KCNS2: variants seen among roughly 807,000 people sequenced by gnomAD.
The protein encoded by KCNS2 is delayed-rectifier potassium channel regulatory subunit KCNS2.
Under a neutral mutation model 28.3 loss-of-function variants are expected in KCNS2, and 15 were observed. The ratio of observed to expected loss-of-function variants is 0.53; its 90% confidence interval spans 0.35 to 0.82. KCNS2 has a LOEUF of 0.82. KCNS2 is among the 40% of genes least tolerant of loss of function. KCNS2 has a pLI of 0.01. For missense variants in KCNS2, 501 were observed against 617.1 expected, an observed-to-expected ratio of 0.81 and a Z score of 1.99; for synonymous variants, 254 against 256.7, an observed-to-expected ratio of 0.99 and a Z score of 0.10.
chr8:98,432,246 C>A lies in KCNS2; in HGVS notation c.*2833C>A, dbSNP rs1368662055. 1 of 166,986 alleles carries A rather than the reference C, an allele frequency of 6.0e-6. No individual in the cohort carries two copies. The highest frequency in any genetic ancestry group is 2.4e-5 in the African/African-American group (1 of 41,454). 10.3% of individuals were successfully genotyped at this position (166,986 alleles called of 1,614,324 possible). A position where few individuals can be genotyped will look rare whatever the true frequency, so the allele number is the denominator to read the frequency against. ...CCAGGCTGTCAGACTGACCTGTAAA[C>A]CTCCTTTAGGGGGACAGAGTAGAAA... On this transcript the variant is annotated 3_prime_UTR_variant, in exon 2 of 2. Transcript: ENST00000287042.
Position 98,429,608 on chromosome 8 carries a change from C to A in KCNS2, c.*195C>A. Reference sequence around the variant, plus strand: ...GAGGGTGGTGTGTCTGACACCATGCCTTTGCACCTTTCCATGAAATGACAC... The same window carrying A: ...GAGGGTGGTGTGTCTGACACCATGCATTTGCACCTTTCCATGAAATGACAC... On this transcript the variant is annotated 3_prime_UTR_variant, in exon 2 of 2. Coordinates refer to ENST00000287042, the MANE Select transcript of KCNS2 (RefSeq NM_020697.4). The A allele has an allele frequency of 1.8e-6, 1 of 548,414 alleles. No homozygotes were observed. The highest frequency in any genetic ancestry group is 3.3e-6 in the Non-Finnish European group (1 of 304,418). 34.0% of individuals were successfully genotyped at this position (548,414 alleles called of 1,614,324 possible). A position where few individuals can be genotyped will look rare whatever the true frequency, so the allele number is the denominator to read the frequency against.
chr8:98,429,259 TGCGCA>T lies in KCNS2; in HGVS notation c.1283_1287del (p.Arg428LeufsTer2). The T allele has an allele frequency of 6.2e-7, 1 of 1,614,092 alleles. No homozygotes were observed. ...CGCCAAAAGCAACTTGAGAGTGCCA[TGCGCA>T]GCTGTGACTTTGGAGATGGAATGAA... On this transcript the variant is annotated frameshift_variant, in exon 2 of 2. Transcript: ENST00000287042. LOFTEE classifies it high-confidence loss of function.
In KCNS2 at chr8:98,427,950, C is replaced by G. The variant is rs1416467702; in HGVS notation, c.-30C>G. On this transcript the variant is annotated 5_prime_UTR_variant, in exon 2 of 2. Coordinates refer to ENST00000287042, the MANE Select transcript of KCNS2 (RefSeq NM_020697.4). ...CCTCCGCTTCCAGGTGTAGCGCCCCCGCGCGGCGCGGGCGGCCGGCGCCTC... is the reference window on the plus strand; with the variant it reads ...CCTCCGCTTCCAGGTGTAGCGCCCCGGCGCGGCGCGGGCGGCCGGCGCCTC... The G allele has an allele frequency of 1.6e-5, 24 of 1,470,424 alleles. 1 individual carries two copies. In the South Asian group the frequency reaches 3.0e-4, roughly 18 times the overall value. The allele number at this position is 1,470,424 out of a possible 1,614,324, so 91.1% of individuals were successfully genotyped here.
chr8:98,429,577 T>C lies in KCNS2; in HGVS notation c.*164T>C, dbSNP rs1818299298. 1 of 593,298 alleles carries C rather than the reference T, an allele frequency of 1.7e-6. No homozygotes were observed. Among genetic ancestry groups the C allele is most frequent in the Non-Finnish European group, 3.0e-6 (1 of 330,096 alleles). 36.8% of individuals were successfully genotyped at this position (593,298 alleles called of 1,614,324 possible). A position where few individuals can be genotyped will look rare whatever the true frequency, so the allele number is the denominator to read the frequency against. On this transcript the variant is annotated 3_prime_UTR_variant, in exon 2 of 2. Transcript: ENST00000287042. ...GTTTCTTTTACAGTTTTTAGAATCG[T>C]TTTTAGAGGGTGGTGTGTCTGACAC...
rs952105060 is a variant in KCNS2 at position 98,431,990 on chromosome 8, A to G, written c.*2577A>G. The G allele has an allele frequency of 3.0e-5, 5 of 167,068 alleles. No homozygotes were observed. The highest frequency in any genetic ancestry group is 1.2e-4 in the African/African-American group (5 of 41,442). 10.3% of individuals were successfully genotyped at this position (167,068 alleles called of 1,614,324 possible). On this transcript the variant is annotated 3_prime_UTR_variant, in exon 2 of 2. Transcript: ENST00000287042. ...AGAAAGAACAACCCGGCTGGCTTAA[A>G]CCCTGGAGCTAATTCCCACAAGGAA...
Position 98,429,231 on chromosome 8 carries a change from C to G in KCNS2, c.1252C>G (p.Arg418Gly), listed in dbSNP as rs149723156. The change falls in exon 2 of 2, where the codon CGG (arginine) becomes GGG (glycine). Residue 418 changes from arginine to glycine, a missense_variant. By Grantham distance (125) the Arg-to-Gly change is moderately radical. Transcript: ENST00000287042. ...LIFNKFSHFY[R>G]RQKQLESAMR... ...CTTCAATAAGTTCTCCCACTTTTAC[C>G]GGCGCCAAAAGCAACTTGAGAGTGC... The G allele has an allele frequency of 5.0e-6, 8 of 1,614,022 alleles. No homozygotes were observed. Among genetic ancestry groups the G allele is most frequent in the Non-Finnish European group, 6.8e-6 (8 of 1,180,032 alleles).
Position 98,432,569 on chromosome 8 carries a change from C to T in KCNS2, c.*3156C>T, listed in dbSNP as rs1428895686. 1.8e-5 allele frequency: 3 copies of T among 167,078 alleles called. No homozygotes were observed. Among genetic ancestry groups the T allele is most frequent in the African/African-American group, 7.2e-5 (3 of 41,444 alleles). 10.3% of individuals were successfully genotyped at this position (167,078 alleles called of 1,614,324 possible). A position where few individuals can be genotyped will look rare whatever the true frequency, so the allele number is the denominator to read the frequency against. On this transcript the variant is annotated 3_prime_UTR_variant, in exon 2 of 2. Transcript: ENST00000287042. ...GGTAGTAATTGGTATTTAACATTTG[C>T]ATTTGTTATTTCTACTTATCTTAGC...
In KCNS2 at chr8:98,429,408, C is replaced by A; in HGVS notation, c.1429C>A (p.Arg477Ser). 1.2e-6 allele frequency: 2 copies of A among 1,604,688 alleles called. No homozygotes were observed. The highest frequency in any genetic ancestry group is 1.1e-5 in the South Asian group (1 of 90,284). Residue 477 changes from arginine to serine, a missense_variant, in exon 2 of 2, where the codon CGT becomes AGT. Coordinates refer to ENST00000287042, the MANE Select transcript of KCNS2 (RefSeq NM_020697.4). ...PSELSLNDSL[R>S] is the part of the protein sequence containing the mutation. The stretch of plus-strand genomic sequence containing the variant: ...TGAACTCAGTTTAAATGATTCCCTA[C>A]GTTAGCCGGGAGGACTTGTCACCCT...
chr8:98,427,997 G>T lies in KCNS2; in HGVS notation c.18G>T (p.Leu6=), dbSNP rs1396903399. The change falls in exon 2 of 2, where the codon CTG becomes CTT. Residue 6 remains leucine (L), a synonymous_variant. Transcript: ENST00000287042. The part of the protein sequence containing the change: MTGQS[L]WDVSEANVED... ...CCTCCAGCATGACCGGCCAGAGCCTGTGGGACGTGTCGGAGGCTAACGTCG... is the reference window on the plus strand; with the variant it reads ...CCTCCAGCATGACCGGCCAGAGCCTTTGGGACGTGTCGGAGGCTAACGTCG... The T allele has an allele frequency of 1.3e-6, 2 of 1,568,486 alleles. No homozygotes were observed. The highest frequency in any genetic ancestry group is 2.3e-5 in the South Asian group (2 of 85,830).
rs138992941 is a variant in KCNS2, at chr8:98,428,610, G to A, written c.631G>A (p.Asp211Asn). The stretch of plus-strand genomic sequence containing the variant: ...CACCATGTGCCTCAATAGCCTGCCC[G>A]ATTTCCAAATCCCTGACAGCCAGGG... ...IITMCLNSLP[D>N]FQIPDSQGNP... The change falls in exon 2 of 2, where the codon GAT becomes AAT. Residue 211 changes from aspartate to asparagine, a missense_variant. Transcript: ENST00000287042. This position sits in a 1 kb window ranked among gnomAD's most constrained non-coding sequence, Gnocchi z 6.7. The A allele has an allele frequency of 3.7e-6, 6 of 1,614,016 alleles. No homozygotes were observed. The highest frequency in any genetic ancestry group is 1.7e-5 in the Admixed American group (1 of 60,010).
chr8:98,428,455 C>A lies in KCNS2; in HGVS notation c.476C>A (p.Ser159Tyr), dbSNP rs749919384. The change falls in exon 2 of 2, where the codon TCC (serine) becomes TAC (tyrosine). Residue 159 changes from serine (S) to tyrosine (Y), a missense_variant. Ser to Tyr is a moderately radical substitution (Grantham distance 144). Transcript: ENST00000287042. This position sits in a 1 kb window ranked among gnomAD's most constrained non-coding sequence, Gnocchi z 6.7. ...DEILAFYNDA[S>Y]KFDGQPLGNF... ...ATCCTTGCCTTCTACAACGACGCCT[C>A]CAAGTTCGATGGGCAGCCCCTCGGC... is the stretch of plus-strand genomic sequence containing the variant. 1.9e-6 allele frequency: 3 copies of A among 1,614,038 alleles called. No homozygotes were observed.
rs1276152493 is a variant in KCNS2 at position 98,428,666 on chromosome 8, C to G, written c.687C>G (p.Ile229Met). The change falls in exon 2 of 2, where the codon ATC (isoleucine) becomes ATG (methionine). Residue 229 changes from isoleucine (I) to methionine (M), a missense_variant. Transcript: ENST00000287042. The surrounding 1 kb of genome is among the most constrained non-coding windows in gnomAD (Gnocchi z 6.7). ...CTGGCGAGGACCCTAGGTTCGAAAT[C>G]GTGGAGCACTTTGGCATTGCCTGGT... ...GNPGEDPRFE[I>M]VEHFGIAWFT... The G allele has an allele frequency of 6.2e-7, 1 of 1,614,212 alleles. No homozygotes were observed. The highest frequency in any genetic ancestry group is 1.1e-5 in the South Asian group (1 of 91,088).
At position 98,429,789 on chromosome 8, in the gene KCNS2, T is replaced by G; in HGVS notation, c.*376T>G. 5.2e-6 allele frequency: 1 copy of G among 192,866 alleles called. No homozygotes were observed. 11.9% of individuals were successfully genotyped at this position (192,866 alleles called of 1,614,324 possible). On this transcript the variant is annotated 3_prime_UTR_variant, in exon 2 of 2. Transcript: ENST00000287042. ...CGTGCTCCTGTTTCTGAGGTTGTCG[T>G]GTGAGTTCTGTACAAAAAGCCCCCA... is the stretch of plus-strand genomic sequence containing the variant.
chr8:98,429,359 G>T lies in KCNS2; in HGVS notation c.1380G>T (p.Thr460=). Residue 460 remains threonine, a synonymous_variant, in exon 2 of 2, where the codon ACG becomes ACT. Coordinates refer to ENST00000287042, the MANE Select transcript of KCNS2 (RefSeq NM_020697.4). Reference sequence around the variant, plus strand: ...TTAAATCCCTTATGGCAAGCCTGACGAACATGAGCAGGAGCTCACCAAGTG... The same window carrying T: ...TTAAATCCCTTATGGCAAGCCTGACTAACATGAGCAGGAGCTCACCAAGTG... ...HKVKSLMASL[T]NMSRSSPSEL... is the part of the protein sequence containing the mutation. 1 of 1,614,058 alleles carries T rather than the reference G, an allele frequency of 6.2e-7. No homozygotes were observed. Among genetic ancestry groups the T allele is most frequent in the South Asian group, 1.1e-5 (1 of 91,066 alleles).
At chr8:98,427,870 T>G in intron 1 of KCNS2, 68 bp from the exon 2 acceptor site, 11 of 859,038 alleles carry the variant, frequency 1.3e-5, no homozygotes, top group South Asian at 1.8e-5. Flanking sequence ...CCGCCAGTAA[T>G]GGGTAGGGAG....
rs1482989316 is a variant in KCNS2, at chr8:98,432,617, CTAATTCTTGCCGCATTTCAAA to C, written c.*3205_*3225del. ...AGCACTCAAATAATTGAACTACCTG[CTAATTCTTGCCGCATTTCAAA>C]GAAAATAAGTTGTTATGCACTTTGG... On this transcript the variant is annotated 3_prime_UTR_variant, in exon 2 of 2. Coordinates refer to ENST00000287042, the MANE Select transcript of KCNS2 (RefSeq NM_020697.4). 2 of 167,108 alleles carry C rather than the reference CTAATTCTTGCCGCATTTCAAA, an allele frequency of 1.2e-5. No homozygotes were observed. The highest frequency in any genetic ancestry group is 4.8e-5 in the African/African-American group (2 of 41,450). 10.4% of individuals were successfully genotyped at this position (167,108 alleles called of 1,614,324 possible). A position where few individuals can be genotyped will look rare whatever the true frequency, so the allele number is the denominator to read the frequency against.
rs1430905157 is a variant in KCNS2 at position 98,427,125 on chromosome 8, GA to G, written c.-246del. Reference sequence around the variant, plus strand: ...GCGGCGGGACCACGCAGCCACCTGTGAGCCTTCGGCAGCTGCGGGCGGCGGC... The same window carrying G: ...GCGGCGGGACCACGCAGCCACCTGTGGCCTTCGGCAGCTGCGGGCGGCGGC... On this transcript the variant is annotated 5_prime_UTR_variant, in exon 1 of 2. An upstream open reading frame in the 5' UTR gains an earlier in-frame stop. Transcript: ENST00000287042. 6.6e-6 allele frequency: 1 copy of G among 150,394 alleles called. No homozygotes were observed. Among genetic ancestry groups the G allele is most frequent in the Non-Finnish European group, 1.5e-5 (1 of 67,280 alleles). 9.3% of individuals were successfully genotyped at this position (150,394 alleles called of 1,614,324 possible).
At position 98,428,475 on chromosome 8, in the gene KCNS2, C is replaced by G; in HGVS notation, c.496C>G (p.Leu166Val). ...NDASKFDGQPLGNFRRQLWLA... is the reference protein window; with the variant it reads ...NDASKFDGQPVGNFRRQLWLA... ...CGCCTCCAAGTTCGATGGGCAGCCCCTCGGCAACTTCCGCAGGCAGCTGTG... is the reference window on the plus strand; with the variant it reads ...CGCCTCCAAGTTCGATGGGCAGCCCGTCGGCAACTTCCGCAGGCAGCTGTG... Residue 166 changes from leucine to valine, a missense_variant, in exon 2 of 2, where the codon CTC (leucine) becomes GTC (valine). Leu to Val is a conservative substitution (Grantham distance 32). Transcript: ENST00000287042. This position sits in a 1 kb window ranked among gnomAD's most constrained non-coding sequence, Gnocchi z 6.7. 1 of 1,614,152 alleles carries G rather than the reference C, an allele frequency of 6.2e-7. No individual in the cohort carries two copies. Among genetic ancestry groups the G allele is most frequent in the Non-Finnish European group, 8.5e-7 (1 of 1,180,036 alleles).
chr8:98,429,300 T>C lies in KCNS2; in HGVS notation c.1321T>C (p.Ser441Pro). ...TGGAGATGGAATGAAGGAGGTCCCT[T>C]CGGTCAATTTAAGGGACTATTATGC... is the stretch of plus-strand genomic sequence containing the variant. ...DFGDGMKEVP[S>P]VNLRDYYAHK... The change falls in exon 2 of 2, where the codon TCG (serine) becomes CCG (proline). Residue 441 changes from serine to proline, a missense_variant. Coordinates refer to ENST00000287042, the MANE Select transcript of KCNS2 (RefSeq NM_020697.4). 2 of 1,614,152 alleles carry C rather than the reference T, an allele frequency of 1.2e-6. No individual in the cohort carries two copies. Among genetic ancestry groups the C allele is most frequent in the Admixed American group, 1.7e-5 (1 of 60,032 alleles).
Sources: gnomAD v4.1 joint callset for allele counts on GRCh38, gnomAD v4.1.1 for gene constraint, Gnocchi (gnomAD v3.1) non-coding constraint, MANE v1.5 for transcripts, NCBI Gene and HGNC (gene_info 2026-07-23, HGNC 2026-07-21) for gene names.